CFH: variants seen among roughly 807,000 people sequenced by gnomAD.
CFH encodes the protein H factor 1 (complement).
In CFH, 53 loss-of-function variants were observed where a neutral mutation model predicts 147.3. The observed-to-expected ratio is 0.36, with a 90% CI of 0.29 to 0.45. The LOEUF (loss-of-function observed/expected upper bound fraction) is 0.45, where lower values mean the gene tolerates loss of function less well. Among genes scored for constraint, CFH ranks in the 20% least tolerant of loss-of-function variants. The pLI is 1.00. For missense variants in CFH, 1,380 were observed against 1,498.0 expected (o/e 0.92, Z 1.30); for synonymous variants, 536 against 489.4 (o/e 1.10, Z -1.26).
rs1667578719 is a variant in CFH at position 196,679,539 on chromosome 1, C to A, written c.620-84C>A. On this transcript the variant is annotated intron_variant, in intron 5 of 21. Transcript: ENST00000367429. ...TGACTGATTTACCTGATGGAAACAA[C>A]ATTTCTGTTTTCATATAATTATGTC... 3.8e-6 allele frequency: 4 copies of A among 1,058,322 alleles called. No individual in the cohort carries two copies. In the African/African-American group the frequency reaches 4.7e-5, roughly 12 times the overall value. 65.6% of individuals were successfully genotyped at this position (1,058,322 alleles called of 1,614,324 possible).
intron 7 of CFH, among the ~76,000 whole-genome samples, chr1:196,685,460 A>G: frequency 6.6e-6 from 1 of 152,104 alleles, no homozygotes; most frequent in East Asian, 1.9e-4. Context: ...CTAATTAATA[A>G]ATTATTCCAA....
At chr1:196,697,176 G>C (rs970826688) in intron 9 of CFH, among the ~76,000 whole-genome samples, 2 of 152,164 alleles carry the variant, frequency 1.3e-5, no homozygotes, top group African/African-American at 4.8e-5. Flanking sequence ...AAACTAAAGA[G>C]CTTCTGCACA....
In CFH at chr1:196,713,423, C is replaced by G. The variant is rs575578505; in HGVS notation, c.1337-312C>G. ...GATTAAAAAGTCCTAAGAAATAATACTCATTGTCTATTGAGTTCTGACATG... is the reference window on the plus strand; with the variant it reads ...GATTAAAAAGTCCTAAGAAATAATAGTCATTGTCTATTGAGTTCTGACATG... On this transcript the variant is annotated intron_variant, in intron 9 of 21. Coordinates refer to ENST00000367429, the MANE Select transcript of CFH (RefSeq NM_000186.4). Among the ~76,000 whole-genome samples, 6 of 152,262 alleles carry G rather than the reference C, an allele frequency of 3.9e-5. No individual in the cohort carries two copies. The South Asian group carries it at 8.3e-4, about 21-fold the overall frequency.
chr1:196,664,099 C>T (rs527733315), intron 1 of CFH, among the ~76,000 whole-genome samples: 22 of 152,172 alleles, frequency 1.4e-4, no homozygotes, highest in South Asian at 4.1e-4. Context: ...CCCTGTCTCT[C>T]GGCTGGAGTG....
rs146062145 is a variant in CFH, at chr1:196,720,376, A to G, written c.1696+4607A>G. ...TGAAGTCTGTACTTTTAGTGTATTC[A>G]TCACCCAAATACTGAACATTGCACC... On this transcript the variant is annotated intron_variant, in intron 11 of 21. Transcript: ENST00000367429. Among the ~76,000 whole-genome samples, 774 of 152,006 alleles carry G rather than the reference A, an allele frequency of 5.1e-3. 7 individuals are homozygous for G. The highest frequency in any genetic ancestry group is 0.018 in the African/African-American group (744 of 41,538).
intron 11 of CFH, among the ~76,000 whole-genome samples, chr1:196,719,461 T>G (rs1482434393): frequency 1.3e-5 from 2 of 151,960 alleles, no homozygotes; most frequent in Non-Finnish European, 2.9e-5. Flanking sequence ...GCAAAACTCA[T>G]TAAAACAAAC....
intron 11 of CFH, 35 bp from the exon 12 acceptor site, chr1:196,725,086 A>T: frequency 6.4e-7 from 1 of 1,559,984 alleles, no homozygotes; most frequent in East Asian, 2.3e-5. Flanking sequence ...ATGATTAATT[A>T]TATATTCTCA....
At chr1:196,679,369 A>G (rs998490234) in intron 5 of CFH, 2 of 319,794 alleles carry the variant, frequency 6.3e-6, no homozygotes, top group African/African-American at 4.3e-5. Flanking sequence ...CAGTTGATGA[A>G]TGTTACTGGT....
intron 1 of CFH, 27 bp from the exon 2 acceptor site, chr1:196,672,951 C>A: frequency 6.3e-7 from 1 of 1,579,838 alleles, no homozygotes; most frequent in Non-Finnish European, 8.7e-7. Flanking sequence ...ACACTTTATG[C>A]ACTTATTTTG....
chr1:196,719,727 T>C (rs1668955043), intron 11 of CFH, among the ~76,000 whole-genome samples: 1 of 151,618 alleles, frequency 6.6e-6, no homozygotes, highest in South Asian at 2.1e-4. Context: ...ATGTAAGAGA[T>C]AATTTTACAC....
intron 7 of CFH, 117 bp downstream of exon 7, chr1:196,685,354 T>C: frequency 1.9e-6 from 2 of 1,072,492 alleles, no homozygotes; most frequent in Non-Finnish European, 2.8e-6. Flanking sequence ...AAAGTAAGGC[T>C]GTTGGAAGCA....
At chr1:196,689,898 T>G (rs1397430028) in intron 8 of CFH, among the ~76,000 whole-genome samples, 165 bp from the exon 9 acceptor site, 2 of 152,140 alleles carry the variant, frequency 1.3e-5, no homozygotes, top group African/African-American at 4.8e-5. Flanking sequence ...TATTTCTTTT[T>G]GTGCAAACCT....
chr1:196,695,933 T>A (rs1668249099), intron 9 of CFH, among the ~76,000 whole-genome samples: 1 of 152,232 alleles, frequency 6.6e-6, no homozygotes, highest in African/African-American at 2.4e-5. Context: ...AAATATACCA[T>A]CATGTCATCT....
intron 9 of CFH, among the ~76,000 whole-genome samples, chr1:196,691,957 C>T (rs1247492801): frequency 1.3e-5 from 2 of 151,740 alleles, no homozygotes; most frequent in African/African-American, 4.8e-5. Context: ...ATATGGTAAA[C>T]TCAACATTTC....
At chr1:196,659,665 G>A (rs1666838036) in intron 1 of CFH, among the ~76,000 whole-genome samples, 1 of 152,174 alleles carries the variant, frequency 6.6e-6, no homozygotes, top group South Asian at 2.1e-4. Context: ...GGTCATTGCT[G>A]TGGAAAGGGC....
intron 1 of CFH, among the ~76,000 whole-genome samples, chr1:196,653,913 A>G (rs972378751): frequency 6.6e-6 from 1 of 152,126 alleles, no homozygotes; most frequent in Non-Finnish European, 1.5e-5. Flanking sequence ...CATAATTTTC[A>G]TAAAAGCACA....
chr1:196,741,747 A>G, intron 18 of CFH, 128 bp from the exon 19 acceptor site: 3 of 799,274 alleles, frequency 3.8e-6, no homozygotes, highest in South Asian at 3.4e-5. Flanking sequence ...TATTTTCTCA[A>G]GTTATAAGAA....
At position 196,713,835 on chromosome 1, in the gene CFH, A is replaced by G. The variant is rs766564341; in HGVS notation, c.1437A>G (p.Leu479=). 137 of 1,612,556 alleles carry G rather than the reference A, an allele frequency of 8.5e-5. No homozygotes were observed. Among genetic ancestry groups the G allele is most frequent in the Middle Eastern group, 3.3e-4 (2 of 6,068 alleles). The part of the protein sequence containing the change: ...LKEKAKYQCK[L]GYVTADGETS... ...AAAAAGCGAAATATCAATGCAAACTAGGATATGTAACAGCAGATGGTGAAA... is the reference window on the plus strand; with the variant it reads ...AAAAAGCGAAATATCAATGCAAACTGGGATATGTAACAGCAGATGGTGAAA... Residue 479 remains leucine (L), a synonymous_variant, in exon 10 of 22, where the codon CTA becomes CTG. Transcript: ENST00000367429.
rs1467049835 is a variant in CFH, at chr1:196,747,181, G to A, written c.3564G>A (p.Lys1188=). The A allele has an allele frequency of 1.2e-6, 2 of 1,613,858 alleles. No individual in the cohort carries two copies. Among genetic ancestry groups the A allele is most frequent in the Admixed American group, 1.7e-5 (1 of 60,002 alleles). Residue 1188 remains lysine, a synonymous_variant, in exon 22 of 22, where the codon AAG becomes AAA. Coordinates refer to ENST00000367429, the MANE Select transcript of CFH (RefSeq NM_000186.4). The part of the protein sequence containing the change: ...NIALRWTAKQ[K]LYSRTGESVE... ...CATTAAGGTGGACAGCCAAACAGAA[G>A]CTTTATTCGAGAACAGGTGAATCAG...
Sources: gnomAD v4.1 joint callset for allele counts (sites outside exome capture counted in the v4.1 genomes callset) on GRCh38, gnomAD v4.1.1 for gene constraint, MANE v1.5 for transcripts, NCBI Gene and HGNC (gene_info 2026-07-23, HGNC 2026-07-21) for gene names.